Variants in ZFYVE26 observed in about 807,000 individuals in gnomAD.
The protein encoded by ZFYVE26 is zinc finger FYVE domain-containing protein 26.
Under a neutral mutation model 276.5 loss-of-function variants are expected in ZFYVE26, and 181 were observed. The ratio of observed to expected loss-of-function variants is 0.65; its 90% CI spans 0.58 to 0.74. The LOEUF is 0.74. Ranked by LOEUF, ZFYVE26 falls within the 30% of genes least tolerant of loss-of-function variation. The pLI is 0.00. For synonymous variants in ZFYVE26, 1,129 were observed against 1,203.1 expected (o/e 0.94, Z 1.27); for missense variants, 2,821 against 3,097.9 (o/e 0.91, Z 2.12).
chr14:67,764,590 G>T (rs926024646), intron 32 of ZFYVE26, among the ~76,000 whole-genome samples: 1 of 152,132 alleles, frequency 6.6e-6, no homozygotes, highest in South Asian at 2.1e-4. Context: ...AAAAACATTA[G>T]AAAAATACTC....
chr14:67,777,419 CAA>C (rs1239267713), intron 25 of ZFYVE26, 138 bp downstream of exon 25: 1 of 1,374,762 alleles, frequency 7.3e-7, no homozygotes, highest in Non-Finnish European at 1.0e-6. Flanking sequence ...AGGTGCCTGG[CAA>C]AAGAGCCATT....
chr14:67,729,178 C>A (rs751491377), intron 14 of ZFYVE26: 6 of 1,612,676 alleles, frequency 3.7e-6, no homozygotes, highest in Non-Finnish European at 5.1e-6. Flanking sequence ...TAATTGTGCC[C>A]TCTTTGTCCC....
intron 3 of ZFYVE26, 142 bp from the exon 4 acceptor site, chr14:67,809,431 T>TA: frequency 1.5e-6 from 1 of 663,650 alleles, no homozygotes; most frequent in Non-Finnish European, 2.4e-6. Flanking sequence ...TTTTTTTTTT[T>TA]TTTTATTTTG....
At chr14:67,812,551 T>A (rs1282468759) in intron 3 of ZFYVE26, among the ~76,000 whole-genome samples, 2 of 152,206 alleles carry the variant, frequency 1.3e-5, no homozygotes, top group East Asian at 3.8e-4. Context: ...GGTGCTTATA[T>A]AGTTTTAAAA....
intron 16 of ZFYVE26, among the ~76,000 whole-genome samples, chr14:67,788,668 CTA>C (rs2039723221): frequency 6.6e-6 from 1 of 152,026 alleles, no homozygotes; most frequent in South Asian, 2.1e-4. Flanking sequence ...GAGAGTTCTC[CTA>C]GAGAATCACT....
chr14:67,798,949 C>A, intron 10 of ZFYVE26: 4 of 1,128,576 alleles, frequency 3.5e-6, no homozygotes, highest in Admixed American at 1.7e-5. Flanking sequence ...CTTTATTTCT[C>A]GCGCCGCGGT....
chr14:67,768,404 G>C, intron 30 of ZFYVE26, 113 bp downstream of exon 30: 1 of 1,236,364 alleles, frequency 8.1e-7, no homozygotes, highest in Non-Finnish European at 1.2e-6. Flanking sequence ...TGGCAAACAA[G>C]TTGGATGGAG....
At chr14:67,816,087 C>T (rs2040401178) in intron 1 of ZFYVE26, 41 bp from the exon 2 acceptor site, 1 of 789,996 alleles carries the variant, frequency 1.3e-6, no homozygotes, top group African/African-American at 1.7e-5. Flanking sequence ...ACAGAAGGCA[C>T]TGTATTAAGA....
At chr14:67,777,032 A>G (rs977200455) in intron 25 of ZFYVE26, among the ~76,000 whole-genome samples, 4 of 152,252 alleles carry the variant, frequency 2.6e-5, no homozygotes, top group African/African-American at 7.2e-5. Flanking sequence ...GTAAGAACTT[A>G]TCTCACCTAA....
At chr14:67,795,181 G>A (rs571560830) in intron 12 of ZFYVE26, among the ~76,000 whole-genome samples, 4 of 152,334 alleles carry the variant, frequency 2.6e-5, no homozygotes, top group East Asian at 1.9e-4. Flanking sequence ...AGGAACAGCC[G>A]TAGAAGAGAT....
chr14:67,769,691 C>T lies in ZFYVE26; in HGVS notation c.5524G>A (p.Val1842Met). Reference protein sequence around the residue: ...RHHCRRCGRLVCSSCSTKKMV... With the variant: ...RHHCRRCGRLMCSSCSTKKMV... ...TTCTTAGTGGAGCAGGAGCTGCACA[C>T]TAGCCGGCCACAGCGGCGACAATGA... The change falls in exon 29 of 42, where the codon GTG becomes ATG. Residue 1842 changes from valine (V) to methionine (M), a missense_variant. Physicochemically the swap from Val to Met is conservative, Grantham distance 21. Coordinates refer to ENST00000347230, the MANE Select transcript of ZFYVE26 (RefSeq NM_015346.4). The T allele has an allele frequency of 6.2e-7, 1 of 1,614,150 alleles. No homozygotes were observed. The highest frequency in any genetic ancestry group is 8.5e-7 in the Non-Finnish European group (1 of 1,180,022).
chr14:67,774,371 C>T lies in ZFYVE26; in HGVS notation c.5320+645G>A, dbSNP rs111798371. Among the ~76,000 whole-genome samples the T allele has an allele frequency of 8.3e-3, 1,270 of 152,266 alleles. 15 individuals are homozygous for T. The highest frequency in any genetic ancestry group is 0.029 in the African/African-American group (1,224 of 41,528). ...AAAATTAGCTGGGTGTGGTGGCACACGCCTTTAATCCCAGCTACTCGGGAG... is the reference window on the plus strand; with the variant it reads ...AAAATTAGCTGGGTGTGGTGGCACATGCCTTTAATCCCAGCTACTCGGGAG... On this transcript the variant is annotated intron_variant, in intron 27 of 41. Coordinates refer to ENST00000347230, the MANE Select transcript of ZFYVE26 (RefSeq NM_015346.4).
intron 14 of ZFYVE26, among the ~76,000 whole-genome samples, chr14:67,791,176 A>G (rs564189693): frequency 6.6e-6 from 1 of 152,324 alleles, no homozygotes; most frequent in African/African-American, 2.4e-5. Context: ...TTGAAAAGCA[A>G]TTTGGCAATC....
chr14:67,761,091 T>G lies in ZFYVE26; in HGVS notation c.6588+275A>C, dbSNP rs1383178540. The G allele has an allele frequency of 7.9e-6, 5 of 631,648 alleles. No homozygotes were observed. In the African/African-American group the frequency reaches 9.0e-5, roughly 11 times the overall value. 39.1% of individuals were successfully genotyped at this position (631,648 alleles called of 1,614,324 possible). ...GCATCTCATTCCAGAGACATGCTCT[T>G]AACCACTATCCGATTCTGCTGCATG... On this transcript the variant is annotated intron_variant, in intron 35 of 41. Coordinates refer to ENST00000347230, the MANE Select transcript of ZFYVE26 (RefSeq NM_015346.4).
chr14:67,804,351 C>G, intron 8 of ZFYVE26, 87 bp from the exon 9 acceptor site: 1 of 1,493,950 alleles, frequency 6.7e-7, no homozygotes, highest in Non-Finnish European at 9.2e-7. Context: ...CTTGTTCTTC[C>G]TCTCTGGACC....
rs753237175 is a variant in ZFYVE26, at chr14:67,762,226, T to A, written c.6346A>T (p.Thr2116Ser). 2 of 1,614,192 alleles carry A rather than the reference T, an allele frequency of 1.2e-6. No homozygotes were observed. The highest frequency in any genetic ancestry group is 1.7e-5 in the Admixed American group (1 of 60,026). Residue 2116 changes from threonine (T) to serine (S), a missense_variant, in exon 34 of 42, where the codon ACA becomes TCA. Coordinates refer to ENST00000347230, the MANE Select transcript of ZFYVE26 (RefSeq NM_015346.4). The part of the protein sequence containing the change: ...VQDVVEYLES[T>S]VRPFVSLQDD... ...ACCAAGGATACAAAGGGCCTCACTG[T>A]GGACTCTAGGTACTCAACCACATCC...
At chr14:67,773,535 A>AC (rs33917693) in intron 27 of ZFYVE26, among the ~76,000 whole-genome samples, 3 of 22,984 alleles carry the variant, frequency 1.3e-4, no homozygotes, top group African/African-American at 2.5e-4. Flanking sequence ...TCCTGTCTCC[A>AC]AAAAAAAAAA....
chr14:67,805,281 TGAG>T lies in ZFYVE26; in HGVS notation c.1204_1206del (p.Leu402del), dbSNP rs1555400034. 6.2e-7 allele frequency: 1 copy of T among 1,614,094 alleles called. No homozygotes were observed. The highest frequency in any genetic ancestry group is 8.5e-7 in the Non-Finnish European group (1 of 1,179,998). Reference sequence around the variant, plus strand: ...GCCCACAACCCATCACAGGCATCCCTGAGGAGCTCATCACAGCCTGGGCCCTAT... The same window carrying T: ...GCCCACAACCCATCACAGGCATCCCTGAGCTCATCACAGCCTGGGCCCTAT... On this transcript the variant is annotated inframe_deletion, in exon 8 of 42. Coordinates refer to ENST00000347230, the MANE Select transcript of ZFYVE26 (RefSeq NM_015346.4).
rs993222279 is a variant in ZFYVE26, at chr14:67,815,635, A to G, written c.194+135T>C. The stretch of plus-strand genomic sequence containing the variant: ...ATGTATACTATAGAGGTAAAATTTC[A>G]GAGCACGTGAAATACACTGTGCCTC... On this transcript the variant is annotated intron_variant, in intron 2 of 41. Transcript: ENST00000347230. The G allele has an allele frequency of 1.0e-4, 91 of 885,600 alleles. No homozygotes were observed. In the Admixed American group the frequency reaches 1.6e-3, roughly 16 times the overall value. The allele number at this position is 885,600 out of a possible 1,614,324, so 54.9% of individuals were successfully genotyped here. A position where few individuals can be genotyped will look rare whatever the true frequency, so the allele number is the denominator to read the frequency against.
Sources: gnomAD v4.1 joint callset for allele counts (sites outside exome capture counted in the v4.1 genomes callset) on GRCh38, gnomAD v4.1.1 for gene constraint, MANE v1.5 for transcripts, NCBI Gene and HGNC (gene_info 2026-07-23, HGNC 2026-07-21) for gene names.